NFKB1: variants seen among roughly 807,000 people sequenced by gnomAD.
NFKB1 encodes the protein nuclear factor NF-kappa-B p105 subunit.
A neutral mutation model predicts 105.1 loss-of-function variants in NFKB1; 9 were observed. The ratio of observed to expected loss-of-function variants is 0.09; its 90% CI spans 0.05 to 0.15. The LOEUF (loss-of-function observed/expected upper bound fraction) is 0.15, where lower values mean the gene tolerates loss of function less well. Among genes scored for constraint, NFKB1 ranks in the 10% least tolerant of loss-of-function variants. The probability of loss-of-function intolerance (pLI) is 1.00; values close to 1 mark genes in which losing one functional copy is unlikely to be tolerated. For missense variants in NFKB1, 830 were observed against 1,203.7 expected, an observed-to-expected ratio of 0.69 and a Z score of 4.59; for synonymous variants, 440 against 442.2, an observed-to-expected ratio of 1.00 and a Z score of 0.06.
intron 5 of NFKB1, among the ~76,000 whole-genome samples, chr4:102,544,211 T>C (rs966537745): frequency 2.0e-5 from 3 of 152,212 alleles, no homozygotes; most frequent in African/African-American, 4.8e-5. Flanking sequence ...ATAGCTTGTA[T>C]CACTTTAGCT....
intron 1 of NFKB1, among the ~76,000 whole-genome samples, chr4:102,504,297 T>C (rs1739283382): frequency 2.6e-5 from 4 of 152,200 alleles, no homozygotes; most frequent in Admixed American, 2.6e-4. Flanking sequence ...TGCACAGTAC[T>C]GTTGTATAAC....
At chr4:102,525,475 G>A (rs1057108336) in intron 1 of NFKB1, 37 bp from the exon 2 acceptor site, 5 of 1,599,056 alleles carry the variant, frequency 3.1e-6, no homozygotes, top group Non-Finnish European at 4.3e-6. Flanking sequence ...GTTCATTCTA[G>A]TGTTACAGTT....
chr4:102,594,084 A>G (rs1260037684), intron 12 of NFKB1, among the ~76,000 whole-genome samples: 1 of 152,132 alleles, frequency 6.6e-6, no homozygotes, highest in African/African-American at 2.4e-5. Flanking sequence ...ATTTTATTTT[A>G]ATCCATTTAT....
At chr4:102,502,297 C>G (rs1739104380) in intron 1 of NFKB1, 1 of 151,780 alleles carries the variant, frequency 6.6e-6, no homozygotes, top group Non-Finnish European at 1.5e-5. Flanking sequence ...ATAGGAGAGT[C>G]TATTCATCCC....
intron 5 of NFKB1, among the ~76,000 whole-genome samples, chr4:102,556,810 C>T (rs931686604): frequency 6.6e-6 from 1 of 152,108 alleles, no homozygotes; most frequent in Admixed American, 6.6e-5. Flanking sequence ...ATGAAAGAAT[C>T]GTTCAGTATT....
At chr4:102,584,918 G>GT (rs1725594122) in intron 11 of NFKB1, 98 bp downstream of exon 11, 1 of 1,219,812 alleles carries the variant, frequency 8.2e-7, no homozygotes, top group Non-Finnish European at 1.1e-6. Flanking sequence ...GTCTGACTCT[G>GT]TTGCCCAGGC....
Position 102,567,043 on chromosome 4 carries a change from A to G in NFKB1, c.315A>G (p.Lys105=), listed in dbSNP as rs779836825. ...KVIVQLVTNG[K]NIHLHAHSLV... ...TTGTTCAGTTGGTCACAAATGGAAAAAATATCCACCTGCATGCCCACAGCC... is the reference window on the plus strand; with the variant it reads ...TTGTTCAGTTGGTCACAAATGGAAAGAATATCCACCTGCATGCCCACAGCC... The change falls in exon 6 of 24, where the codon AAA becomes AAG. Residue 105 remains lysine, a synonymous_variant. Transcript: ENST00000226574. 4 of 1,614,048 alleles carry G rather than the reference A, an allele frequency of 2.5e-6. No individual in the cohort carries two copies. In the East Asian group the frequency reaches 8.9e-5, roughly 36 times the overall value.
intron 8 of NFKB1, 124 bp downstream of exon 8, chr4:102,579,163 C>T: frequency 1.1e-6 from 1 of 944,538 alleles, no homozygotes; most frequent in Non-Finnish European, 1.5e-6. Flanking sequence ...GCTTTATCAT[C>T]TGTAAAATGT....
chr4:102,574,178 G>A lies in NFKB1; in HGVS notation c.408-2698G>A, dbSNP rs142376926. Among the ~76,000 whole-genome samples, 1,061 of 130,054 alleles carry A rather than the reference G, an allele frequency of 8.2e-3. 16 individuals carry two copies. Among genetic ancestry groups the A allele is most frequent in the African/African-American group, 0.03 (1,021 of 34,050 alleles). 85.3% of individuals were successfully genotyped at this position (130,054 alleles called of 152,430 possible). A position where few individuals can be genotyped will look rare whatever the true frequency, so the allele number is the denominator to read the frequency against. On this transcript the variant is annotated intron_variant, in intron 6 of 23. Coordinates refer to ENST00000226574, the MANE Select transcript of NFKB1 (RefSeq NM_003998.4). ...TTTAAATACGTTTGAGGATTGGGATGAAGTTAAATTTGGGAACAGTTTGAT... is the reference window on the plus strand; with the variant it reads ...TTTAAATACGTTTGAGGATTGGGATAAAGTTAAATTTGGGAACAGTTTGAT...
At chr4:102,547,805 G>C (rs1208553686) in intron 5 of NFKB1, among the ~76,000 whole-genome samples, 1 of 152,074 alleles carries the variant, frequency 6.6e-6, no homozygotes, top group Non-Finnish European at 1.5e-5. Flanking sequence ...TGCTTCCACT[G>C]TATATTGACC....
chr4:102,597,396 T>G, intron 14 of NFKB1, 124 bp from the exon 15 acceptor site: 1 of 1,038,750 alleles, frequency 9.6e-7, no homozygotes, highest in South Asian at 2.0e-5. Flanking sequence ...GAAAGAACAT[T>G]TTCAACTAAA....
At chr4:102,502,147 G>T (rs763659817) in intron 1 of NFKB1, 1 of 152,648 alleles carries the variant, frequency 6.6e-6, no homozygotes, top group African/African-American at 2.4e-5. Flanking sequence ...GTTGGAGTGC[G>T]CTGCGGCGCG....
At chr4:102,508,736 G>A (rs1739590183) in intron 1 of NFKB1, among the ~76,000 whole-genome samples, 3 of 152,150 alleles carry the variant, frequency 2.0e-5, no homozygotes, top group Admixed American at 2.0e-4. Flanking sequence ...TTAAACCTGA[G>A]TCTTTTGAAA....
At chr4:102,560,248 T>G (rs1723301645) in intron 5 of NFKB1, among the ~76,000 whole-genome samples, 1 of 152,320 alleles carries the variant, frequency 6.6e-6, no homozygotes. Context: ...TGTTACTTCT[T>G]TCTCGAAAGA....
chr4:102,551,367 T>TGTGTGTGTGTGTGTGTGTGTGCGC (rs370790173), intron 5 of NFKB1, among the ~76,000 whole-genome samples: 18 of 150,204 alleles, frequency 1.2e-4, no homozygotes, highest in African/African-American at 4.4e-4. Flanking sequence ...TGTGTGTGTG[T>TGTGTGTGTGTGTGTGTGTGTGCGC]GCGCGCGCGC....
At chr4:102,558,811 C>A (rs1378807160) in intron 5 of NFKB1, among the ~76,000 whole-genome samples, 2 of 152,154 alleles carry the variant, frequency 1.3e-5, no homozygotes, top group Non-Finnish European at 2.9e-5. Flanking sequence ...CTACCACACC[C>A]AGCTTCCCCA....
At chr4:102,568,402 G>T (rs953638981) in intron 6 of NFKB1, among the ~76,000 whole-genome samples, 1 of 152,090 alleles carries the variant, frequency 6.6e-6, no homozygotes, top group Non-Finnish European at 1.5e-5. Context: ...GTCTCCTGTT[G>T]TATGTCACAG....
intron 1 of NFKB1, among the ~76,000 whole-genome samples, chr4:102,524,246 C>G (rs1371421975): frequency 6.6e-6 from 1 of 152,094 alleles, no homozygotes; most frequent in Admixed American, 6.6e-5. Context: ...CCATGTGGTT[C>G]CTTGCTTCTA....
At chr4:102,592,610 G>A (rs1726265598) in intron 11 of NFKB1, among the ~76,000 whole-genome samples, 1 of 152,138 alleles carries the variant, frequency 6.6e-6, no homozygotes, top group Admixed American at 6.5e-5. Flanking sequence ...ATAGCCTATA[G>A]TATAGTGTAA....
Sources: allele counts gnomAD v4.1 joint callset (sites outside exome capture counted in the v4.1 genomes callset), GRCh38; gene constraint gnomAD v4.1.1; transcripts MANE v1.5; gene names NCBI Gene and HGNC (gene_info 2026-07-23, HGNC 2026-07-21).